The following TMEM108 variants were observed in gnomAD, a reference collection of about 807,000 sequenced individuals.
TMEM108 encodes the protein transmembrane protein 108.
A neutral mutation model predicts 35.1 loss-of-function variants in TMEM108; 12 were observed. The observed-to-expected ratio is 0.34, with a 90% CI of 0.22 to 0.55. TMEM108 has a LOEUF of 0.55. Among genes scored for constraint, TMEM108 ranks in the 20% least tolerant of loss-of-function variants. TMEM108 has a pLI of 0.89. For missense variants in TMEM108, 680 were observed against 753.3 expected (o/e 0.90, Z 1.14); for synonymous variants, 287 against 308.6 (o/e 0.93, Z 0.73).
intron 2 of TMEM108, among the ~76,000 whole-genome samples, chr3:133,164,310 T>C (rs1161286369): frequency 6.6e-6 from 1 of 152,182 alleles, no homozygotes; most frequent in African/African-American, 2.4e-5. Flanking sequence ...TAAGGATAGT[T>C]CTTCAGGTAA....
At chr3:133,311,238 T>C (rs2107711681) in intron 3 of TMEM108, among the ~76,000 whole-genome samples, 1 of 152,346 alleles carries the variant, frequency 6.6e-6, no homozygotes, top group African/African-American at 2.4e-5. Context: ...GTTTTCTGTA[T>C]TTCCTGAATT....
intron 2 of TMEM108, among the ~76,000 whole-genome samples, chr3:133,221,403 A>G (rs961459749): frequency 7.2e-5 from 11 of 152,190 alleles, no homozygotes; most frequent in African/African-American, 2.4e-4. Context: ...TGTGTCAGGA[A>G]CTGGTGCCAA....
chr3:133,169,576 T>C (rs1425543815), intron 2 of TMEM108, among the ~76,000 whole-genome samples: 1 of 152,138 alleles, frequency 6.6e-6, no homozygotes, highest in Non-Finnish European at 1.5e-5. Context: ...CCAGGGAAAA[T>C]GGAAGCAGAT....
At chr3:133,065,493 AT>A (rs148203808) in intron 2 of TMEM108, among the ~76,000 whole-genome samples, 90 of 151,386 alleles carry the variant, frequency 5.9e-4, no homozygotes, top group Admixed American at 1.3e-3. Flanking sequence ...AAGAAACCCA[AT>A]TTTTTTTTCA....
chr3:133,177,152 T>A (rs1410882875), intron 2 of TMEM108, among the ~76,000 whole-genome samples: 1 of 152,070 alleles, frequency 6.6e-6, no homozygotes, highest in Non-Finnish European at 1.5e-5. Context: ...AATAACAGGC[T>A]CTGAAATTGA....
chr3:133,269,416 C>T (rs1946741627), intron 3 of TMEM108, among the ~76,000 whole-genome samples: 1 of 152,094 alleles, frequency 6.6e-6, no homozygotes, highest in South Asian at 2.1e-4. Context: ...AGCCTTAGTC[C>T]CATTCTTCTC....
chr3:133,062,772 T>C lies in TMEM108; in HGVS notation c.-47+16752T>C, dbSNP rs113428235. Among the ~76,000 whole-genome samples the C allele has an allele frequency of 3.2e-3, 490 of 152,268 alleles. 3 individuals are homozygous for C. Among genetic ancestry groups the C allele is most frequent in the African/African-American group, 0.011 (466 of 41,556 alleles). On this transcript the variant is annotated intron_variant, in intron 2 of 5. Coordinates refer to ENST00000321871, the MANE Select transcript of TMEM108 (RefSeq NM_023943.4). ...GGACTTTTGCCAATCACCTAAGCAA[T>C]GTGAGGTTCCATATTGTGGCTTTCG...
chr3:133,315,871 A>G (rs2071192493), intron 3 of TMEM108, among the ~76,000 whole-genome samples: 1 of 152,230 alleles, frequency 6.6e-6, no homozygotes, highest in African/African-American at 2.4e-5. Flanking sequence ...AGGAATACAT[A>G]ATTGAGTGAA....
intron 2 of TMEM108, among the ~76,000 whole-genome samples, chr3:133,139,320 A>T (rs1048980900): frequency 1.3e-5 from 2 of 152,150 alleles, no homozygotes; most frequent in Non-Finnish European, 2.9e-5. Flanking sequence ...TGACAAAGGG[A>T]TAATATCCAG....
intron 2 of TMEM108, among the ~76,000 whole-genome samples, chr3:133,151,606 T>C (rs150667271): frequency 2.4e-3 from 360 of 152,218 alleles, no homozygotes; most frequent in South Asian, 0.019. Flanking sequence ...GACATTAAAC[T>C]AGGATTTTAA....
intron 2 of TMEM108, among the ~76,000 whole-genome samples, chr3:133,117,916 A>G (rs1252800465): frequency 6.6e-6 from 1 of 152,168 alleles, no homozygotes; most frequent in Non-Finnish European, 1.5e-5. Context: ...TCCAATCCAC[A>G]AAATTCTGTA....
At chr3:133,152,412 A>T (rs867748382) in intron 2 of TMEM108, among the ~76,000 whole-genome samples, 2 of 152,206 alleles carry the variant, frequency 1.3e-5, no homozygotes, top group Non-Finnish European at 2.9e-5. Context: ...TCATAAGGGC[A>T]GAAGAGAAGC....
intron 2 of TMEM108, among the ~76,000 whole-genome samples, chr3:133,085,960 T>C (rs1360915513): frequency 6.6e-6 from 1 of 152,172 alleles, no homozygotes; most frequent in Non-Finnish European, 1.5e-5. Flanking sequence ...AATCAGGGGT[T>C]TCTATTTTTC....
intron 3 of TMEM108, among the ~76,000 whole-genome samples, chr3:133,303,564 A>G (rs947991977): frequency 1.3e-5 from 2 of 152,152 alleles, no homozygotes; most frequent in Admixed American, 1.3e-4. Flanking sequence ...TTAAGCCCCA[A>G]AGGAATCTGG....
At chr3:133,169,470 G>A (rs1044931105) in intron 2 of TMEM108, among the ~76,000 whole-genome samples, 5 of 152,168 alleles carry the variant, frequency 3.3e-5, no homozygotes, top group Admixed American at 1.3e-4. Flanking sequence ...TGGACTATGC[G>A]GTGGAATCAC....
intron 3 of TMEM108, among the ~76,000 whole-genome samples, chr3:133,277,108 T>C (rs576352066): frequency 1.8e-4 from 27 of 152,138 alleles, no homozygotes; most frequent in Admixed American, 3.9e-4. Flanking sequence ...TATGTGTTCT[T>C]AGATCGAACT....
At chr3:133,372,170 G>T (rs1009069322) in intron 3 of TMEM108, among the ~76,000 whole-genome samples, 9 of 152,156 alleles carry the variant, frequency 5.9e-5, no homozygotes, top group Non-Finnish European at 1.2e-4. Context: ...TTTTGTCATG[G>T]TCATCACAGC....
At chr3:133,203,724 G>A (rs1945707342) in intron 2 of TMEM108, among the ~76,000 whole-genome samples, 2 of 152,166 alleles carry the variant, frequency 1.3e-5, no homozygotes, top group African/African-American at 4.8e-5. Context: ...TTTTCGCGTT[G>A]ACCTTCATCA....
At chr3:133,118,425 A>G (rs1008254071) in intron 2 of TMEM108, among the ~76,000 whole-genome samples, 2 of 152,190 alleles carry the variant, frequency 1.3e-5, no homozygotes, top group Non-Finnish European at 2.9e-5. Flanking sequence ...AGAAGAAGGG[A>G]AAGATAACAT....
Sources: allele counts gnomAD v4.1 joint callset (sites outside exome capture counted in the v4.1 genomes callset), GRCh38; gene constraint gnomAD v4.1.1; transcripts MANE v1.5; gene names NCBI Gene and HGNC (gene_info 2026-07-23, HGNC 2026-07-21).